The following CNN3 variants were observed in gnomAD, a reference collection of about 807,000 sequenced individuals.
CNN3 encodes the protein calponin-3.
Under a neutral mutation model 39.0 loss-of-function variants are expected in CNN3, and 11 were observed. The observed-to-expected ratio is 0.28, with a 90% CI of 0.18 to 0.47. The LOEUF is 0.47. Ranked by LOEUF, CNN3 falls within the 20% of genes least tolerant of loss-of-function variation. The pLI is 0.99. For missense variants in CNN3, 266 were observed against 403.4 expected (o/e 0.66, Z 2.92); for synonymous variants, 101 against 138.3 (o/e 0.73, Z 1.89).
Position 94,897,869 on chromosome 1 carries a change from G to A in CNN3, c.863C>T (p.Thr288Ile). The change falls in exon 7 of 7, where the codon ACA (threonine) becomes ATA (isoleucine). Residue 288 changes from threonine to isoleucine, a missense_variant. Transcript: ENST00000370206. Reference sequence around the variant, plus strand: ...ACTGATTTCCGAACCATTTGTTCCTGTTCCTTGGCTTCCGTTGTGAATGAC... The same window carrying A: ...ACTGATTTCCGAACCATTTGTTCCTATTCCTTGGCTTCCGTTGTGAATGAC... ...EPVIHNGSQG[T>I]GTNGSEISDS... The A allele has an allele frequency of 1.2e-6, 2 of 1,614,086 alleles. No individual in the cohort carries two copies. The highest frequency in any genetic ancestry group is 1.7e-6 in the Non-Finnish European group (2 of 1,179,994).
intron 1 of CNN3, among the ~76,000 whole-genome samples, chr1:94,911,497 A>T (rs1432405179): frequency 6.6e-6 from 1 of 152,240 alleles, no homozygotes; most frequent in Non-Finnish European, 1.5e-5. Context: ...TTCAAAAATT[A>T]CTAGGACGGG....
chr1:94,901,270 C>A (rs1003926218), intron 5 of CNN3, among the ~76,000 whole-genome samples: 1 of 151,602 alleles, frequency 6.6e-6, no homozygotes, highest in Non-Finnish European at 1.5e-5. Context: ...AGGAGAATTG[C>A]TTGAACCCAG....
chr1:94,902,992 C>A, intron 3 of CNN3, 130 bp downstream of exon 3: 1 of 604,348 alleles, frequency 1.7e-6, no homozygotes. Flanking sequence ...GCTACAATGT[C>A]TATGTAAAAA....
chr1:94,898,650 ATC>A (rs1252463084), intron 6 of CNN3, among the ~76,000 whole-genome samples: 1 of 152,206 alleles, frequency 6.6e-6, no homozygotes, highest in Non-Finnish European at 1.5e-5. Context: ...CTCATACTTC[ATC>A]TCTCTACTTA....
Position 94,926,771 on chromosome 1 carries a change from A to G in CNN3, c.57+67T>C, listed in dbSNP as rs1671594804. 6.6e-7 allele frequency: 1 copy of G among 1,522,208 alleles called. No homozygotes were observed. The highest frequency in any genetic ancestry group is 9.0e-7 in the Non-Finnish European group (1 of 1,112,978). The allele number at this position is 1,522,208 out of a possible 1,614,324, so 94.3% of individuals were successfully genotyped here. A position where few individuals can be genotyped will look rare whatever the true frequency, so the allele number is the denominator to read the frequency against. ...CCACAGCGCGAAGAGCAAACGAAGCACGGCCCAGCGCCAGGCCAGCCCAAG... is the reference window on the plus strand; with the variant it reads ...CCACAGCGCGAAGAGCAAACGAAGCGCGGCCCAGCGCCAGGCCAGCCCAAG... On this transcript the variant is annotated intron_variant, in intron 1 of 6. Coordinates refer to ENST00000370206, the MANE Select transcript of CNN3 (RefSeq NM_001839.5). The surrounding 1 kb of genome is among the most constrained non-coding windows in gnomAD (Gnocchi z 4.2).
In CNN3 at chr1:94,897,320, G is replaced by A. The variant is rs1208857931; in HGVS notation, c.*422C>T. 1.4e-5 allele frequency: 2 copies of A among 145,440 alleles called. No individual in the cohort carries two copies. Among genetic ancestry groups the A allele is most frequent in the Non-Finnish European group, 2.9e-5 (2 of 69,626 alleles). 9.0% of individuals were successfully genotyped at this position (145,440 alleles called of 1,614,324 possible). On this transcript the variant is annotated 3_prime_UTR_variant, in exon 7 of 7. Transcript: ENST00000370206. Reference sequence around the variant, plus strand: ...ATTTAGTTGGCAAAGACCACATTTAGCAATAAGCATGAGTTTAGTCTTCCA... The same window carrying A: ...ATTTAGTTGGCAAAGACCACATTTAACAATAAGCATGAGTTTAGTCTTCCA...
chr1:94,915,924 C>A lies in CNN3; in HGVS notation c.57+10914G>T, dbSNP rs575335198. 6.6e-5 allele frequency among the ~76,000 whole-genome samples: 10 copies of A among 152,278 alleles called. No individual in the cohort carries two copies. In the South Asian group the frequency reaches 2.1e-3, roughly 32 times the overall value. ...CGTTTTCATGGTCCTCTTCCCTTCC[C>A]CTTCTGAGCTGGGCCCCTTCTCTTC... On this transcript the variant is annotated intron_variant, in intron 1 of 6. Transcript: ENST00000370206.
chr1:94,903,328 G>GAGA, intron 2 of CNN3, 75 bp downstream of exon 2: 1 of 1,544,764 alleles, frequency 6.5e-7, no homozygotes, highest in Non-Finnish European at 8.7e-7. Flanking sequence ...ACCCTGGGCT[G>GAGA]AGAAGGAGAG....
intron 1 of CNN3, chr1:94,924,258 C>G (rs964901079): frequency 7.2e-5 from 11 of 152,196 alleles, no homozygotes; most frequent in African/African-American, 2.4e-4. Flanking sequence ...GATTCCCAGG[C>G]CCAGAACAGA....
chr1:94,902,553 A>G (rs1366146849), intron 3 of CNN3, among the ~76,000 whole-genome samples: 2 of 152,222 alleles, frequency 1.3e-5, no homozygotes, highest in East Asian at 1.9e-4. Context: ...TATCAGAGCT[A>G]TCCAGGCCTG....
At chr1:94,909,234 G>A (rs567538828) in intron 1 of CNN3, among the ~76,000 whole-genome samples, 1 of 152,292 alleles carries the variant, frequency 6.6e-6, no homozygotes, top group Non-Finnish European at 1.5e-5. Flanking sequence ...GAGGTGAAAA[G>A]TGTTTCTTGT....
intron 1 of CNN3, among the ~76,000 whole-genome samples, chr1:94,918,627 C>T (rs773304154): frequency 1.2e-4 from 19 of 152,074 alleles, no homozygotes; most frequent in Non-Finnish European, 2.4e-4. Flanking sequence ...GGTGCGGTGG[C>T]TCACACCTGT....
Position 94,926,544 on chromosome 1 carries a change from C to G in CNN3, c.57+294G>C, listed in dbSNP as rs1233465873. On this transcript the variant is annotated intron_variant, in intron 1 of 6. Transcript: ENST00000370206. This position sits in a 1 kb window ranked among gnomAD's most constrained non-coding sequence, Gnocchi z 4.2. ...TGCAGTCACCAAACGGCCCCCGAGA[C>G]CCCCGCAGCCGGAAAGGCTGGCGCC... is the stretch of plus-strand genomic sequence containing the variant. 6.6e-6 allele frequency among the ~76,000 whole-genome samples: 1 copy of G among 152,162 alleles called. No individual in the cohort carries two copies. The highest frequency in any genetic ancestry group is 2.4e-5 in the African/African-American group (1 of 41,456).
chr1:94,907,812 A>T (rs944735428), intron 1 of CNN3, among the ~76,000 whole-genome samples: 2 of 152,240 alleles, frequency 1.3e-5, no homozygotes, highest in African/African-American at 4.8e-5. Context: ...GTGAGCTGAG[A>T]TGGTGCCACT....
chr1:94,915,718 CCCA>C (rs1172481396), intron 1 of CNN3, among the ~76,000 whole-genome samples: 1 of 152,176 alleles, frequency 6.6e-6, no homozygotes. Context: ...TGAACCAGTG[CCCA>C]AGCTCCAAAG....
chr1:94,921,285 C>G (rs1260877397), intron 1 of CNN3, among the ~76,000 whole-genome samples: 1 of 152,112 alleles, frequency 6.6e-6, no homozygotes, highest in East Asian at 1.9e-4. Context: ...ATTCCAGCTA[C>G]TCGGGAGGCT....
chr1:94,907,652 A>G (rs1442211397), intron 1 of CNN3, among the ~76,000 whole-genome samples: 1 of 152,202 alleles, frequency 6.6e-6, no homozygotes, highest in Non-Finnish European at 1.5e-5. Context: ...TGAGGTCAGG[A>G]GATCAAGACC....
chr1:94,925,612 G>C (rs1671554232), intron 1 of CNN3: 2 of 985,446 alleles, frequency 2.0e-6, no homozygotes, highest in Non-Finnish European at 2.4e-6. Context: ...CTTGGGGTTT[G>C]ACAACGGTGC....
chr1:94,909,189 G>A (rs1461297652), intron 1 of CNN3, among the ~76,000 whole-genome samples: 9 of 152,060 alleles, frequency 5.9e-5, no homozygotes, highest in South Asian at 2.1e-4. Context: ...AGTATGTAGC[G>A]CATGCATTCT....
Sources: allele counts gnomAD v4.1 joint callset (sites outside exome capture counted in the v4.1 genomes callset), GRCh38; gene constraint gnomAD v4.1.1; non-coding constraint Gnocchi (gnomAD v3.1); transcripts MANE v1.5; gene names NCBI Gene and HGNC (gene_info 2026-07-23, HGNC 2026-07-21).